Variants in ANGPT2 observed in about 807,000 individuals in gnomAD.
ANGPT2 encodes the protein angiopoietin-2.
Under a neutral mutation model 62.9 loss-of-function variants are expected in ANGPT2, and 28 were observed. The observed-to-expected ratio is 0.44, with a 90% CI of 0.33 to 0.61. The LOEUF is 0.61. ANGPT2 is among the 20% of genes least tolerant of loss of function. The probability of loss-of-function intolerance (pLI) is 0.03; values close to 1 mark genes in which losing one functional copy is unlikely to be tolerated. For synonymous variants in ANGPT2, 284 were observed against 207.8 expected (o/e 1.37, Z -3.15); for missense variants, 727 against 594.9 (o/e 1.22, Z -2.31).
intron 8 of ANGPT2, among the ~76,000 whole-genome samples, chr8:6,503,699 G>C (rs1480846356): frequency 6.6e-6 from 1 of 152,188 alleles, no homozygotes; most frequent in East Asian, 1.9e-4. Context: ...TTTTTCGGTT[G>C]AAGTTTAAAC....
At chr8:6,515,150 C>G (rs908353454) in intron 5 of ANGPT2, among the ~76,000 whole-genome samples, 11 of 152,108 alleles carry the variant, frequency 7.2e-5, no homozygotes, top group African/African-American at 2.2e-4. Flanking sequence ...CCCCACATCT[C>G]CATCCTGTAG....
At chr8:6,544,358 C>T (rs1381751940) in intron 1 of ANGPT2, among the ~76,000 whole-genome samples, 1 of 152,186 alleles carries the variant, frequency 6.6e-6, no homozygotes, top group African/African-American at 2.4e-5. Flanking sequence ...TTTGACTGTG[C>T]TGGAAAGAGA....
intron 8 of ANGPT2, among the ~76,000 whole-genome samples, chr8:6,504,816 G>T (rs1341624540): frequency 6.6e-6 from 1 of 152,122 alleles, no homozygotes; most frequent in Non-Finnish European, 1.5e-5. Context: ...GTAAGTATGT[G>T]TGAACAGGAA....
chr8:6,525,345 T>A (rs1586362512), intron 3 of ANGPT2, among the ~76,000 whole-genome samples: 1 of 152,218 alleles, frequency 6.6e-6, no homozygotes, highest in East Asian at 1.9e-4. Flanking sequence ...TCCACCTGCC[T>A]CAGCCATCCA....
intron 7 of ANGPT2, among the ~76,000 whole-genome samples, chr8:6,509,520 G>C (rs1297689234): frequency 6.6e-6 from 1 of 152,154 alleles, no homozygotes; most frequent in Admixed American, 6.5e-5. Flanking sequence ...ACTGAGTTTG[G>C]GGAAGAAATC....
chr8:6,520,154 C>T (rs1203346350), intron 4 of ANGPT2, among the ~76,000 whole-genome samples, 163 bp from the exon 5 acceptor site: 1 of 152,102 alleles, frequency 6.6e-6, no homozygotes, highest in Admixed American at 6.6e-5. Flanking sequence ...TCCTTTCAGC[C>T]TGTTTTCTTC....
At chr8:6,503,803 C>T (rs989171675) in intron 8 of ANGPT2, among the ~76,000 whole-genome samples, 1 of 152,184 alleles carries the variant, frequency 6.6e-6, no homozygotes, top group African/African-American at 2.4e-5. Flanking sequence ...TGTGCTCGCT[C>T]AGCTAAAGCC....
At chr8:6,519,722 G>T in intron 5 of ANGPT2, 142 bp downstream of exon 5, 1 of 1,006,428 alleles carries the variant, frequency 9.9e-7, no homozygotes, top group Non-Finnish European at 1.4e-6. Flanking sequence ...CTCTAGGCGA[G>T]GTAGCTGCCC....
intron 1 of ANGPT2, among the ~76,000 whole-genome samples, chr8:6,551,156 GATTTTAAATC>G (rs1453720508): frequency 1.3e-5 from 2 of 152,260 alleles, no homozygotes; most frequent in East Asian, 3.9e-4. Flanking sequence ...GCTGACTTAG[GATTTTAAATC>G]ACTTAAATTT....
At chr8:6,539,349 G>C (rs1375668) in intron 1 of ANGPT2, among the ~76,000 whole-genome samples, 5 of 151,964 alleles carry the variant, frequency 3.3e-5, no homozygotes, top group Non-Finnish European at 5.9e-5. Context: ...TTATAGTCTT[G>C]GCCTTTTCTT....
chr8:6,524,226 G>A (rs2442617), intron 3 of ANGPT2, among the ~76,000 whole-genome samples: 11,364 of 152,154 alleles, frequency 0.075, 514 homozygotes, highest in African/African-American at 0.12. Context: ...TAAGTCAGCT[G>A]TCTTATTTAA....
intron 1 of ANGPT2, among the ~76,000 whole-genome samples, chr8:6,555,888 G>A (rs189392245): frequency 6.6e-6 from 1 of 152,290 alleles, no homozygotes; most frequent in East Asian, 1.9e-4. Flanking sequence ...CCAGTTGCTT[G>A]TTTTTGCTTG....
At chr8:6,505,006 A>G (rs1812999856) in intron 8 of ANGPT2, among the ~76,000 whole-genome samples, 1 of 151,728 alleles carries the variant, frequency 6.6e-6, no homozygotes, top group Admixed American at 6.6e-5. Flanking sequence ...TCCTTATATT[A>G]ATTTTTAAAA....
intron 7 of ANGPT2, among the ~76,000 whole-genome samples, chr8:6,509,275 C>G (rs78223039): frequency 2.6e-5 from 4 of 152,186 alleles, no homozygotes; most frequent in Non-Finnish European, 4.4e-5. Flanking sequence ...TTTCATGAAA[C>G]CTTCAACACA....
At chr8:6,544,299 A>G (rs1822141731) in intron 1 of ANGPT2, among the ~76,000 whole-genome samples, 2 of 152,342 alleles carry the variant, frequency 1.3e-5, no homozygotes, top group Admixed American at 6.5e-5. Context: ...CCAGCAGTCC[A>G]GCAAAAATGT....
rs1814372338 is a variant in ANGPT2 at position 6,508,998 on chromosome 8, C to G, written c.1261G>C (p.Asp421His). 6.2e-7 allele frequency: 1 copy of G among 1,614,010 alleles called. No homozygotes were observed. The highest frequency in any genetic ancestry group is 1.3e-5 in the African/African-American group (1 of 74,910). ...TTGTCTCCATCCTTTGTGCTAAAAT[C>G]ATTTCCTGGTTGGCTGATGCTGCTT... Reference protein sequence around the residue: ...KISSISQPGNDFSTKDGDNDK... With the variant: ...KISSISQPGNHFSTKDGDNDK... The change falls in exon 8 of 9, where the codon GAT (aspartate) becomes CAT (histidine). Residue 421 changes from aspartate to histidine, a missense_variant. Physicochemically the swap from Asp to His is moderately conservative, Grantham distance 81 (BLOSUM62 -1). Transcript: ENST00000629816.
intron 1 of ANGPT2, among the ~76,000 whole-genome samples, chr8:6,548,667 A>T (rs562010877): frequency 3.2e-4 from 49 of 152,312 alleles, no homozygotes; most frequent in African/African-American, 1.2e-3. Context: ...ATTTAGAAAG[A>T]TTTGAAAAAA....
In ANGPT2 at chr8:6,528,833, C is replaced by T. The variant is rs375977915; in HGVS notation, c.445-1157G>A. ...TGCAGGAGCCTTGGCTGGTCCACAG[C>T]GTGGGTTTCAGGGATGGTCTTATCC... is the stretch of plus-strand genomic sequence containing the variant. On this transcript the variant is annotated intron_variant, in intron 2 of 8. Transcript: ENST00000629816. Among the ~76,000 whole-genome samples, 243 of 152,312 alleles carry T rather than the reference C, an allele frequency of 1.6e-3. 1 individual carries two copies. The highest frequency in any genetic ancestry group is 5.7e-3 in the African/African-American group (239 of 41,572).
chr8:6,543,473 G>A (rs765838455), intron 1 of ANGPT2, among the ~76,000 whole-genome samples: 1 of 152,108 alleles, frequency 6.6e-6, no homozygotes, highest in Non-Finnish European at 1.5e-5. Flanking sequence ...TGAGCAAAAC[G>A]CACTGACGGG....
Sources: gnomAD v4.1 joint callset for allele counts (sites outside exome capture counted in the v4.1 genomes callset) on GRCh38, gnomAD v4.1.1 for gene constraint, MANE v1.5 for transcripts, NCBI Gene and HGNC (gene_info 2026-07-23, HGNC 2026-07-21) for gene names.